The following PLEKHA1 variants were observed in gnomAD, a reference collection of about 807,000 sequenced individuals.
PLEKHA1 encodes pleckstrin homology domain containing A1.
PLEKHA1 carries 34 observed loss-of-function variants against 52.0 expected under a neutral mutation model. The ratio of observed to expected loss-of-function variants is 0.65; its 90% confidence interval spans 0.50 to 0.87. The LOEUF (loss-of-function observed/expected upper bound fraction) is 0.87, where lower values mean the gene tolerates loss of function less well. PLEKHA1 is among the 40% of genes least tolerant of loss of function. The pLI, the probability that PLEKHA1 is intolerant of heterozygous loss-of-function variation, is 0.00. For synonymous variants in PLEKHA1, 163 were observed against 170.7 expected, an observed-to-expected ratio of 0.95 and a Z score of 0.35; for missense variants, 497 against 504.2, an observed-to-expected ratio of 0.99 and a Z score of 0.14.
chr10:122,379,434 G>A (rs879302348), intron 1 of PLEKHA1, among the ~76,000 whole-genome samples: 3 of 152,112 alleles, frequency 2.0e-5, no homozygotes, highest in Non-Finnish European at 4.4e-5. Flanking sequence ...AGACACATGG[G>A]GTCAGTCACT....
chr10:122,376,531 T>TAA (rs1280041325), intron 1 of PLEKHA1, among the ~76,000 whole-genome samples: 2 of 129,318 alleles, frequency 1.5e-5, no homozygotes, highest in South Asian at 2.3e-4. Context: ...TATATATATA[T>TAA]ATAATATAAA....
At chr10:122,395,389 C>T (rs1422800541) in intron 2 of PLEKHA1, among the ~76,000 whole-genome samples, 1 of 151,984 alleles carries the variant, frequency 6.6e-6, no homozygotes, top group East Asian at 1.9e-4. Flanking sequence ...CCATTAGTAC[C>T]AACTTGGTGT....
chr10:122,410,616 A>G (rs2097094276), intron 5 of PLEKHA1, among the ~76,000 whole-genome samples: 1 of 152,236 alleles, frequency 6.6e-6, no homozygotes, highest in Non-Finnish European at 1.5e-5. Context: ...GATAATTTTT[A>G]TAGTAAAATG....
At chr10:122,432,865 G>A (rs1222077307), downstream of PLEKHA1, 3 of 152,180 alleles carry the variant, frequency 2.0e-5, no homozygotes, top group East Asian at 1.9e-4. Context: ...GCAGTGCTTG[G>A]TGCACTTGGT....
the PLEKHA1 span, chr10:122,441,634 T>TA: frequency 3.3e-5 from 5 of 152,122 alleles, no homozygotes; most frequent in Admixed American, 2.6e-4. Flanking sequence ...GTGGTTCAGA[T>TA]AAAGAACCCA....
intron 7 of PLEKHA1, among the ~76,000 whole-genome samples, chr10:122,416,733 T>C (rs28423379): frequency 0.062 from 9,487 of 152,258 alleles, 1,044 homozygotes; most frequent in African/African-American, 0.22. Flanking sequence ...ACTAAATCTT[T>C]AGAATTTCAT....
chr10:122,422,230 T>C (rs918221279), intron 8 of PLEKHA1: 1 of 152,206 alleles, frequency 6.6e-6, no homozygotes, highest in Non-Finnish European at 1.5e-5. Flanking sequence ...AATCACCATT[T>C]GGCAGCCACT....
rs976305405 is a variant in PLEKHA1 at position 122,431,805 on chromosome 10, CTTTTTCAGCTGATATAT to C, written c.*1869_*1885del. On this transcript the variant is annotated 3_prime_UTR_variant, in exon 12 of 12. Coordinates refer to ENST00000368990, the MANE Select transcript of PLEKHA1 (RefSeq NM_001001974.4). ...ATAAAGAGATTTTAATGAGTTATCA[CTTTTTCAGCTGATATAT>C]TCATTTTAATGGCTTTTTTGAAAGT... 1 of 152,312 alleles carries C rather than the reference CTTTTTCAGCTGATATAT, an allele frequency of 6.6e-6. No homozygotes were observed. The highest frequency in any genetic ancestry group is 1.5e-5 in the Non-Finnish European group (1 of 68,002). 9.4% of individuals were successfully genotyped at this position (152,312 alleles called of 1,614,324 possible).
intron 1 of PLEKHA1, among the ~76,000 whole-genome samples, chr10:122,383,326 CT>C (rs34354520): frequency 4.1e-4 from 46 of 111,550 alleles, no homozygotes; most frequent in South Asian, 6.3e-4. Flanking sequence ...TTTTTTTTTT[CT>C]TTTTTTTTTT....
intron 10 of PLEKHA1, chr10:122,425,217 A>G (rs1355343720): frequency 3.3e-6 from 1 of 301,586 alleles, no homozygotes; most frequent in East Asian, 5.4e-5. Context: ...TTAGATGTTA[A>G]GTGTGTACTT....
chr10:122,393,123 C>T lies in PLEKHA1; in HGVS notation c.-20-58C>T, dbSNP rs1047081937. 9 of 1,396,328 alleles carry T rather than the reference C, an allele frequency of 6.4e-6. No homozygotes were observed. The African/African-American group carries it at 1.2e-4, about 18-fold the overall frequency. The allele number at this position is 1,396,328 out of a possible 1,614,324, so 86.5% of individuals were successfully genotyped here. A position where few individuals can be genotyped will look rare whatever the true frequency, so the allele number is the denominator to read the frequency against. On this transcript the variant is annotated intron_variant, in intron 1 of 11. Coordinates refer to ENST00000368990, the MANE Select transcript of PLEKHA1 (RefSeq NM_001001974.4). The surrounding 1 kb of genome is among the most constrained non-coding windows in gnomAD (Gnocchi z 4.5). ...CCCCTCATTGAACAGATTTGCAGTC[C>T]ATGAGAAATACTTTCCTGTTTCATA...
In PLEKHA1 at chr10:122,429,903, T is replaced by C; in HGVS notation, c.1180T>C (p.Leu394=). The C allele has an allele frequency of 6.2e-7, 1 of 1,614,034 alleles. No individual in the cohort carries two copies. The highest frequency in any genetic ancestry group is 8.5e-7 in the Non-Finnish European group (1 of 1,179,980). The change falls in exon 12 of 12, where the codon TTG becomes CTG. Residue 394 remains leucine (L), a synonymous_variant. Coordinates refer to ENST00000368990, the MANE Select transcript of PLEKHA1 (RefSeq NM_001001974.4). ...PQEKDCDLVD[L]DDASLPVSDV ...GGAAAAAGATTGTGACCTAGTAGACTTGGACGATGCGAGCCTTCCGGTCAG... is the reference window on the plus strand; with the variant it reads ...GGAAAAAGATTGTGACCTAGTAGACCTGGACGATGCGAGCCTTCCGGTCAG...
chr10:122,426,851 GTA>G, intron 10 of PLEKHA1, 89 bp from the exon 11 acceptor site: 1 of 1,118,784 alleles, frequency 8.9e-7, no homozygotes. Context: ...GTTGATGACA[GTA>G]TTTTAAGTTA....
At chr10:122,394,012 A>T (rs1159613225) in intron 2 of PLEKHA1, among the ~76,000 whole-genome samples, 1 of 151,808 alleles carries the variant, frequency 6.6e-6, no homozygotes, top group Non-Finnish European at 1.5e-5. Context: ...CCCAGCCTTA[A>T]GAGGCCTGAG....
intron 9 of PLEKHA1, 89 bp from the exon 10 acceptor site, chr10:122,424,807 A>G: frequency 7.5e-6 from 7 of 929,678 alleles, no homozygotes; most frequent in Non-Finnish European, 1.1e-5. Context: ...TCATTTATTT[A>G]TTGACGCATA....
intron 9 of PLEKHA1, 94 bp from the exon 10 acceptor site, chr10:122,424,798 CATTT>C (rs1438599129): frequency 2.0e-5 from 17 of 832,752 alleles, no homozygotes; most frequent in Non-Finnish European, 3.1e-5. Context: ...TGCTTTACCT[CATTT>C]ATTTATTGAC....
chr10:122,429,910 A>T lies in PLEKHA1; in HGVS notation c.1187A>T (p.Asp396Val). The change falls in exon 12 of 12, where the codon GAT (aspartate) becomes GTT (valine). Residue 396 changes from aspartate (D) to valine (V), a missense_variant. Transcript: ENST00000368990. Reference protein sequence around the residue: ...EKDCDLVDLDDASLPVSDV With the variant: ...EKDCDLVDLDVASLPVSDV Reference sequence around the variant, plus strand: ...GATTGTGACCTAGTAGACTTGGACGATGCGAGCCTTCCGGTCAGTGACGTG... The same window carrying T: ...GATTGTGACCTAGTAGACTTGGACGTTGCGAGCCTTCCGGTCAGTGACGTG... 6.2e-7 allele frequency: 1 copy of T among 1,613,902 alleles called. No homozygotes were observed. The highest frequency in any genetic ancestry group is 1.1e-5 in the South Asian group (1 of 91,060).
intron 1 of PLEKHA1, among the ~76,000 whole-genome samples, chr10:122,382,151 T>C (rs557775348): frequency 6.6e-6 from 1 of 152,364 alleles, no homozygotes; most frequent in Admixed American, 6.5e-5. Context: ...TAATTCACAC[T>C]ATATAAATCA....
At position 122,406,680 on chromosome 10, in the gene PLEKHA1, A is replaced by G. The variant is rs756485720; in HGVS notation, c.342+7A>G. 1.1e-5 allele frequency: 17 copies of G among 1,580,486 alleles called. No individual in the cohort carries two copies. The highest frequency in any genetic ancestry group is 1.1e-5 in the South Asian group (1 of 89,388). On this transcript the variant is annotated splice_region_variant and intron_variant, in intron 5 of 11. Transcript: ENST00000368990. ...CAAAGCTATAAAAATTACAGTAAGTATATGTATTTTTTTGAAAAACGTTCG... is the reference window on the plus strand; with the variant it reads ...CAAAGCTATAAAAATTACAGTAAGTGTATGTATTTTTTTGAAAAACGTTCG...
Sources: gnomAD v4.1 joint callset for allele counts (sites outside exome capture counted in the v4.1 genomes callset) on GRCh38, gnomAD v4.1.1 for gene constraint, Gnocchi (gnomAD v3.1) non-coding constraint, MANE v1.5 for transcripts, NCBI Gene and HGNC (gene_info 2026-07-23, HGNC 2026-07-21) for gene names.